The following LHFPL3 variants were observed in gnomAD, a reference collection of about 807,000 sequenced individuals.
LHFPL3 encodes the protein LHFPL tetraspan subfamily member 3.
In LHFPL3, 5 loss-of-function variants were observed where a neutral mutation model predicts 19.3. The observed-to-expected ratio is 0.26, with a 90% confidence interval of 0.14 to 0.54. The LOEUF (loss-of-function observed/expected upper bound fraction) is 0.54. Ranked by LOEUF, LHFPL3 falls within the 20% of genes least tolerant of loss-of-function variation. The pLI, the probability that LHFPL3 is intolerant of heterozygous loss-of-function variation, is 0.94. For missense variants in LHFPL3, 249 were observed against 307.4 expected, an observed-to-expected ratio of 0.81 and a Z score of 1.42; for synonymous variants, 133 against 126.2, an observed-to-expected ratio of 1.05 and a Z score of -0.36.
chr7:104,553,509 T>A (rs1258880264), intron 1 of LHFPL3, among the ~76,000 whole-genome samples: 1 of 152,046 alleles, frequency 6.6e-6, no homozygotes, highest in African/African-American at 2.4e-5. Context: ...TCCAGAAAAA[T>A]TTTTAACCCT....
At chr7:104,697,860 A>T (rs1270118674) in intron 1 of LHFPL3, among the ~76,000 whole-genome samples, 1 of 152,224 alleles carries the variant, frequency 6.6e-6, no homozygotes, top group Non-Finnish European at 1.5e-5. Context: ...CATCCAAGGG[A>T]TCTGGGGGGA....
chr7:104,507,685 G>C (rs1349803599), intron 1 of LHFPL3, among the ~76,000 whole-genome samples: 10 of 126,760 alleles, frequency 7.9e-5, no homozygotes, highest in African/African-American at 2.9e-4. Context: ...TACAAAATGG[G>C]AGAAAATTTT....
intron 1 of LHFPL3, among the ~76,000 whole-genome samples, chr7:104,437,520 C>T (rs891276919): frequency 1.3e-5 from 2 of 152,170 alleles, no homozygotes; most frequent in Non-Finnish European, 2.9e-5. Flanking sequence ...AAGACTACCC[C>T]ACACTTCAGA....
intron 2 of LHFPL3, 48 bp downstream of exon 2, chr7:104,736,959 A>AC: frequency 7.0e-7 from 1 of 1,421,388 alleles, no homozygotes; most frequent in Non-Finnish European, 9.7e-7. Flanking sequence ...AAGCACAAAA[A>AC]AATGGTGCTC....
chr7:104,567,456 C>T (rs1466404070), intron 1 of LHFPL3, among the ~76,000 whole-genome samples: 1 of 152,202 alleles, frequency 6.6e-6, no homozygotes, highest in East Asian at 1.9e-4. Context: ...TTTGAATGTA[C>T]TGGCATCCTC....
intron 1 of LHFPL3, among the ~76,000 whole-genome samples, chr7:104,348,924 A>C (rs536611261): frequency 1.3e-5 from 2 of 152,160 alleles, no homozygotes; most frequent in African/African-American, 4.8e-5. Context: ...GGCAAAGTCT[A>C]ATTGGGGAGC....
chr7:104,806,223 A>C (rs1360608318), intron 2 of LHFPL3, among the ~76,000 whole-genome samples: 4 of 152,270 alleles, frequency 2.6e-5, no homozygotes, highest in African/African-American at 4.8e-5. Context: ...TATATGCCAC[A>C]AAGCATAATG....
At chr7:104,722,404 C>T (rs1161168506) in intron 1 of LHFPL3, among the ~76,000 whole-genome samples, 1 of 152,146 alleles carries the variant, frequency 6.6e-6, no homozygotes, top group Non-Finnish European at 1.5e-5. Flanking sequence ...TCTCCTCTAT[C>T]TCCCTAAGGG....
intron 2 of LHFPL3, among the ~76,000 whole-genome samples, chr7:104,829,724 C>T (rs1790910253): frequency 6.6e-6 from 1 of 151,980 alleles, no homozygotes. Context: ...TTAATCCAGT[C>T]TATCATGGTT....
chr7:104,436,339 C>T (rs769558107), intron 1 of LHFPL3, among the ~76,000 whole-genome samples: 1 of 152,110 alleles, frequency 6.6e-6, no homozygotes, highest in Non-Finnish European at 1.5e-5. Context: ...CCCTATGAGG[C>T]ATGTATCTTT....
chr7:104,489,442 C>T (rs1220592274), intron 1 of LHFPL3, among the ~76,000 whole-genome samples: 1 of 151,842 alleles, frequency 6.6e-6, no homozygotes, highest in African/African-American at 2.4e-5. Flanking sequence ...CATTACTCAG[C>T]ACAGAGCCTA....
chr7:104,870,931 G>C (rs1033111069), intron 2 of LHFPL3, among the ~76,000 whole-genome samples: 1 of 152,178 alleles, frequency 6.6e-6, no homozygotes, highest in Non-Finnish European at 1.5e-5. Context: ...GCAGTGGGGG[G>C]CACTCTATAG....
At chr7:104,569,911 C>T (rs1790197225) in intron 1 of LHFPL3, among the ~76,000 whole-genome samples, 1 of 152,180 alleles carries the variant, frequency 6.6e-6, no homozygotes, top group South Asian at 2.1e-4. Flanking sequence ...ATCCTCTCTC[C>T]ACAATGACTA....
chr7:104,498,966 AT>A (rs943311158), intron 1 of LHFPL3, among the ~76,000 whole-genome samples: 7 of 151,724 alleles, frequency 4.6e-5, no homozygotes, highest in East Asian at 1.9e-4. Context: ...ATGTTCAAAG[AT>A]TTTTTTTTCC....
chr7:104,355,671 T>C (rs1401863821), intron 1 of LHFPL3, among the ~76,000 whole-genome samples: 1 of 152,230 alleles, frequency 6.6e-6, no homozygotes, highest in Non-Finnish European at 1.5e-5. Flanking sequence ...AAATTCTTTT[T>C]AACAAATAGT....
chr7:104,792,615 C>T (rs1790046521), intron 2 of LHFPL3, among the ~76,000 whole-genome samples: 1 of 152,192 alleles, frequency 6.6e-6, no homozygotes, highest in Non-Finnish European at 1.5e-5. Context: ...GTTTTTGCTA[C>T]TATAACTTTA....
chr7:104,471,910 G>A (rs1300036484), intron 1 of LHFPL3, among the ~76,000 whole-genome samples: 3 of 152,102 alleles, frequency 2.0e-5, no homozygotes, highest in Admixed American at 2.0e-4. Flanking sequence ...ACATGCAATG[G>A]CCCTTGCTTG....
intron 1 of LHFPL3, among the ~76,000 whole-genome samples, chr7:104,391,469 A>G (rs1791067372): frequency 6.6e-6 from 1 of 152,102 alleles, no homozygotes; most frequent in African/African-American, 2.4e-5. Flanking sequence ...TGTTTTTGTT[A>G]GGTTTGTCAA....
At chr7:104,798,680 G>A (rs1182540863) in intron 2 of LHFPL3, among the ~76,000 whole-genome samples, 2 of 150,826 alleles carry the variant, frequency 1.3e-5, no homozygotes, top group Admixed American at 1.3e-4. Flanking sequence ...AAGAAAGATA[G>A]GTGCTAGAAA....
Sources: allele counts gnomAD v4.1 joint callset (sites outside exome capture counted in the v4.1 genomes callset), GRCh38; gene constraint gnomAD v4.1.1; transcripts MANE v1.5; gene names NCBI Gene and HGNC (gene_info 2026-07-23, HGNC 2026-07-21).